The following SUSD4 variants were observed in gnomAD, a reference collection of about 807,000 sequenced individuals.
SUSD4 encodes the protein sushi domain-containing protein 4.
SUSD4 carries 41 observed loss-of-function variants against 50.5 expected under a neutral mutation model. The ratio of observed to expected loss-of-function variants is 0.81; its 90% CI spans 0.63 to 1.05. The LOEUF is 1.05. Among genes scored for constraint, SUSD4 ranks in the 50% least tolerant of loss-of-function variants. SUSD4 has a pLI of 0.00. For missense variants in SUSD4, 580 were observed against 634.7 expected, an observed-to-expected ratio of 0.91 and a Z score of 0.93; for synonymous variants, 257 against 257.3, an observed-to-expected ratio of 1.00 and a Z score of 0.01.
chr1:223,241,562 C>G (rs851214), intron 5 of SUSD4, among the ~76,000 whole-genome samples: 4,580 of 152,262 alleles, frequency 0.03, 231 homozygotes, highest in African/African-American at 0.1. Flanking sequence ...TTATGGATCC[C>G]TGAAGAGTTC....
At chr1:223,273,668 C>CA (rs1459639299) in intron 3 of SUSD4, among the ~76,000 whole-genome samples, 1 of 152,334 alleles carries the variant, frequency 6.6e-6, no homozygotes, top group East Asian at 1.9e-4. Flanking sequence ...GAAGATCAGC[C>CA]ACACTGTGGT....
rs1332800575 is a variant in SUSD4, at chr1:223,231,947, G to A, written c.725-2559C>T. The stretch of plus-strand genomic sequence containing the variant: ...GTCCATTGACAGATGAATGGATAAA[G>A]AAAATATAGGCAATATACACCACAG... On this transcript the variant is annotated intron_variant, in intron 5 of 8. Coordinates refer to ENST00000366878, the MANE Select transcript of SUSD4 (RefSeq NM_017982.4). This position sits in a 1 kb window ranked among gnomAD's most constrained non-coding sequence, Gnocchi z 4.2. 6.6e-6 allele frequency among the ~76,000 whole-genome samples: 1 copy of A among 152,168 alleles called. No homozygotes were observed. Among genetic ancestry groups the A allele is most frequent in the Non-Finnish European group, 1.5e-5 (1 of 68,026 alleles).
In SUSD4 at chr1:223,363,468, C is replaced by A; in HGVS notation, c.-35-8G>T. ...CATCCAGCTTGCAAGAGTCTGCAAC[C>A]AGAAGCGGAACACCACAATAAGCCA... On this transcript the variant is annotated splice_region_variant and splice_polypyrimidine_tract_variant and intron_variant, in intron 1 of 8. Coordinates refer to ENST00000366878, the MANE Select transcript of SUSD4 (RefSeq NM_017982.4). 6.7e-7 allele frequency: 1 copy of A among 1,489,042 alleles called. No individual in the cohort carries two copies. Among genetic ancestry groups the A allele is most frequent in the South Asian group, 1.4e-5 (1 of 73,068 alleles). 92.2% of individuals were successfully genotyped at this position (1,489,042 alleles called of 1,614,324 possible).
intron 5 of SUSD4, among the ~76,000 whole-genome samples, chr1:223,258,881 C>A (rs993915566): frequency 2.0e-5 from 3 of 152,158 alleles, no homozygotes; most frequent in African/African-American, 4.8e-5. Context: ...CAACCCCACA[C>A]AGCAAAGAGT....
In SUSD4 at chr1:223,227,799, C is replaced by T. The variant is rs1279772141; in HGVS notation, c.917-61G>A. 7.8e-6 allele frequency: 12 copies of T among 1,531,252 alleles called. No individual in the cohort carries two copies. Among genetic ancestry groups the T allele is most frequent in the Admixed American group, 1.9e-5 (1 of 51,626 alleles). 94.9% of individuals were successfully genotyped at this position (1,531,252 alleles called of 1,614,324 possible). A position where few individuals can be genotyped will look rare whatever the true frequency, so the allele number is the denominator to read the frequency against. On this transcript the variant is annotated intron_variant, in intron 6 of 8. Coordinates refer to ENST00000366878, the MANE Select transcript of SUSD4 (RefSeq NM_017982.4). This position sits in a 1 kb window ranked among gnomAD's most constrained non-coding sequence, Gnocchi z 4.5. ...CCAGACCATGAGAGGTGCCGAGGTT[C>T]CCCGTGGGCTCATTTGCTGGATTCA...
At chr1:223,234,130 G>A (rs1051431159) in intron 5 of SUSD4, among the ~76,000 whole-genome samples, 1 of 152,206 alleles carries the variant, frequency 6.6e-6, no homozygotes, top group Non-Finnish European at 1.5e-5. Flanking sequence ...CATGTGGGGA[G>A]GCGGGACCAA....
At chr1:223,268,374 G>T (rs1662667610) in intron 4 of SUSD4, 128 bp downstream of exon 4, 2 of 1,242,158 alleles carry the variant, frequency 1.6e-6, no homozygotes, top group Admixed American at 2.7e-5. Context: ...CTGGATCCAT[G>T]TGGGGTAGAT....
At chr1:223,258,420 G>A (rs1571904363) in intron 5 of SUSD4, among the ~76,000 whole-genome samples, 1 of 151,968 alleles carries the variant, frequency 6.6e-6, no homozygotes, top group Admixed American at 6.6e-5. Flanking sequence ...GCACTTGTAG[G>A]TTCTTAGGAA....
Position 223,222,063 on chromosome 1 carries a change from G to T in SUSD4, c.*129C>A. 1 of 845,836 alleles carries T rather than the reference G, an allele frequency of 1.2e-6. No individual in the cohort carries two copies. The highest frequency in any genetic ancestry group is 1.9e-6 in the Non-Finnish European group (1 of 538,666). 52.4% of individuals were successfully genotyped at this position (845,836 alleles called of 1,614,324 possible). A position where few individuals can be genotyped will look rare whatever the true frequency, so the allele number is the denominator to read the frequency against. On this transcript the variant is annotated 3_prime_UTR_variant, in exon 9 of 9. Transcript: ENST00000366878. ...CACTGTGGAGCCTGAGATGCATAAT[G>T]TGAACTGTGGTCCCCATGTAGACAA...
At chr1:223,337,558 T>C (rs1258131014) in intron 2 of SUSD4, among the ~76,000 whole-genome samples, 1 of 152,212 alleles carries the variant, frequency 6.6e-6, no homozygotes, top group African/African-American at 2.4e-5. Context: ...GAAGCTCTAC[T>C]GCAACCTAAC....
At chr1:223,300,348 A>AT (rs1665103620) in intron 2 of SUSD4, among the ~76,000 whole-genome samples, 1 of 152,188 alleles carries the variant, frequency 6.6e-6, no homozygotes, top group Admixed American at 6.5e-5. Context: ...AGTAACAGGG[A>AT]TTGAGAGTGC....
chr1:223,333,783 G>C (rs1207575025), intron 2 of SUSD4, among the ~76,000 whole-genome samples: 1 of 152,160 alleles, frequency 6.6e-6, no homozygotes, highest in Non-Finnish European at 1.5e-5. Flanking sequence ...TTCCACCCCA[G>C]GTCCTCTCTC....
At chr1:223,349,378 G>A (rs1049004171) in intron 2 of SUSD4, among the ~76,000 whole-genome samples, 1 of 152,152 alleles carries the variant, frequency 6.6e-6, no homozygotes, top group African/African-American at 2.4e-5. Flanking sequence ...CTCAGCGGAT[G>A]GCCTGGGGCA....
intron 2 of SUSD4, among the ~76,000 whole-genome samples, chr1:223,329,791 TAGAG>T (rs1309086963): frequency 5.3e-5 from 8 of 151,640 alleles, no homozygotes; most frequent in East Asian, 1.9e-4. Context: ...GATGAACAGA[TAGAG>T]AGATGAATAG....
intron 2 of SUSD4, among the ~76,000 whole-genome samples, chr1:223,334,760 G>A (rs142841961): frequency 2.0e-5 from 3 of 152,166 alleles, no homozygotes; most frequent in African/African-American, 7.2e-5. Context: ...AAGTTCTTTA[G>A]TGGTGATTTG....
chr1:223,269,086 C>G (rs1245255098), intron 3 of SUSD4, among the ~76,000 whole-genome samples: 1 of 152,218 alleles, frequency 6.6e-6, no homozygotes, highest in Non-Finnish European at 1.5e-5. Context: ...GGGCTAGTCT[C>G]ACAGCTGCCC....
At chr1:223,293,715 A>C (rs1028674058) in intron 2 of SUSD4, among the ~76,000 whole-genome samples, 65 of 152,308 alleles carry the variant, frequency 4.3e-4, no homozygotes, top group African/African-American at 1.5e-3. Context: ...GAGACCTAAG[A>C]AATTTTGTGC....
intron 5 of SUSD4, among the ~76,000 whole-genome samples, chr1:223,256,467 C>G (rs1208721531): frequency 6.6e-6 from 1 of 152,158 alleles, no homozygotes; most frequent in African/African-American, 2.4e-5. Flanking sequence ...CCAAGATGAC[C>G]CTCACCACAC....
rs752646074 is a variant in SUSD4, at chr1:223,231,347, A to C, written c.725-1959T>G. ...GCAGGGAAGGTCCAGGGCAGATCTG[A>C]GGCTGGCAGGCCCAGGTGTGCTCAG... On this transcript the variant is annotated intron_variant, in intron 5 of 8. Transcript: ENST00000366878. This position sits in a 1 kb window ranked among gnomAD's most constrained non-coding sequence, Gnocchi z 4.2. Among the ~76,000 whole-genome samples, 1 of 152,082 alleles carries C rather than the reference A, an allele frequency of 6.6e-6. No individual in the cohort carries two copies. The highest frequency in any genetic ancestry group is 2.4e-5 in the African/African-American group (1 of 41,404).
Sources: gnomAD v4.1 joint callset for allele counts (sites outside exome capture counted in the v4.1 genomes callset) on GRCh38, gnomAD v4.1.1 for gene constraint, Gnocchi (gnomAD v3.1) non-coding constraint, MANE v1.5 for transcripts, NCBI Gene and HGNC (gene_info 2026-07-23, HGNC 2026-07-21) for gene names.